The following ELP2 variants were observed in gnomAD, a reference collection of about 807,000 sequenced individuals.
The protein encoded by ELP2 is elongator acetyltransferase complex subunit 2.
Under a neutral mutation model 119.2 loss-of-function variants are expected in ELP2, and 90 were observed. The ratio of observed to expected loss-of-function variants is 0.75; its 90% confidence interval spans 0.64 to 0.90. The LOEUF is 0.90. Ranked by LOEUF, ELP2 falls within the 40% of genes least tolerant of loss-of-function variation. ELP2 has a pLI of 0.00. For missense variants in ELP2, 921 were observed against 967.8 expected, an observed-to-expected ratio of 0.95 and a Z score of 0.64; for synonymous variants, 339 against 331.0, an observed-to-expected ratio of 1.02 and a Z score of -0.26.
chr18:36,141,547 T>A, intron 6 of ELP2: 1 of 257,226 alleles, frequency 3.9e-6, no homozygotes, highest in Non-Finnish European at 7.7e-6. Context: ...CCTTCTGAGC[T>A]TTACTTAGAT....
At chr18:36,134,106 A>G (rs779152435) in intron 2 of ELP2, among the ~76,000 whole-genome samples, 21 of 151,948 alleles carry the variant, frequency 1.4e-4, no homozygotes, top group Non-Finnish European at 2.1e-4. Context: ...CTGGGATTAC[A>G]GGATTAGCTA....
rs2090197931 is a variant in ELP2 at position 36,146,292 on chromosome 18, G to C, written c.1036G>C (p.Asp346His). Residue 346 changes from aspartate to histidine, a missense_variant, in exon 11 of 22, where the codon GAT becomes CAT. By Grantham distance (81) the Asp-to-His change is moderately conservative (BLOSUM62 -1). Transcript: ENST00000358232. ...EVGGNTLGFY[D>H]CQFNEDGSMI... ...AGGTGGGAATACTTTGGGATTTTATGATTGCCAGTTCAATGAAGATGGCTC... is the reference window on the plus strand; with the variant it reads ...AGGTGGGAATACTTTGGGATTTTATCATTGCCAGTTCAATGAAGATGGCTC... The C allele has an allele frequency of 1.2e-6, 2 of 1,614,030 alleles. No homozygotes were observed. The highest frequency in any genetic ancestry group is 1.7e-6 in the Non-Finnish European group (2 of 1,179,996).
intron 1 of ELP2, among the ~76,000 whole-genome samples, chr18:36,130,503 G>T (rs2089571660): frequency 6.6e-6 from 1 of 152,124 alleles, no homozygotes; most frequent in Non-Finnish European, 1.5e-5. Flanking sequence ...TTGTTGTATT[G>T]AATTTCAAGG....
intron 16 of ELP2, among the ~76,000 whole-genome samples, chr18:36,160,315 C>T (rs889831214): frequency 6.6e-6 from 1 of 151,898 alleles, no homozygotes; most frequent in Admixed American, 6.6e-5. Flanking sequence ...TGGCTCACAC[C>T]TGTAATCATA....
chr18:36,129,942 A>G lies in ELP2; in HGVS notation c.9A>G (p.Ala3=), dbSNP rs1263592403. The part of the protein sequence containing the change: MV[A]PVLETSHVFC... ...GCTGACCAGTTGGCGACATGGTGGC[A>G]CCCGTGCTGGAGACTTCTCACGTGT... The change falls in exon 1 of 22, where the codon GCA becomes GCG. Residue 3 remains alanine, a synonymous_variant. Coordinates refer to ENST00000358232, the MANE Select transcript of ELP2 (RefSeq NM_018255.4). 3 of 1,614,166 alleles carry G rather than the reference A, an allele frequency of 1.9e-6. No individual in the cohort carries two copies. Among genetic ancestry groups the G allele is most frequent in the Non-Finnish European group, 2.5e-6 (3 of 1,180,040 alleles).
At chr18:36,142,252 A>G (rs2090057129) in intron 6 of ELP2, 29 bp from the exon 7 acceptor site, 9 of 1,594,782 alleles carry the variant, frequency 5.6e-6, no homozygotes, top group Non-Finnish European at 7.7e-6. Context: ...AAATTCTTAC[A>G]TCAAGCCCAA....
chr18:36,131,390 C>G (rs952607108), intron 1 of ELP2, among the ~76,000 whole-genome samples: 1 of 152,230 alleles, frequency 6.6e-6, no homozygotes, highest in Non-Finnish European at 1.5e-5. Flanking sequence ...CCACAGCAGG[C>G]TCTCCATCAT....
intron 8 of ELP2, among the ~76,000 whole-genome samples, chr18:36,143,838 A>C (rs2090117888): frequency 1.3e-5 from 2 of 152,252 alleles, no homozygotes; most frequent in African/African-American, 4.8e-5. Flanking sequence ...AATTTGTAAA[A>C]TATTACTAAA....
chr18:36,134,369 A>G (rs1261650350), intron 2 of ELP2, among the ~76,000 whole-genome samples: 1 of 152,204 alleles, frequency 6.6e-6, no homozygotes, highest in Non-Finnish European at 1.5e-5. Flanking sequence ...CAGATTAAAT[A>G]CAGAAGCAGA....
intron 1 of ELP2, among the ~76,000 whole-genome samples, chr18:36,130,879 T>C (rs1353197393): frequency 6.6e-6 from 1 of 152,172 alleles, no homozygotes; most frequent in Admixed American, 6.5e-5. Context: ...GTTAAAAATT[T>C]CATTATTGGC....
At chr18:36,170,233 A>T (rs776997559) in intron 20 of ELP2, 37 bp downstream of exon 20, 14 of 1,613,186 alleles carry the variant, frequency 8.7e-6, no homozygotes, top group Non-Finnish European at 1.1e-5. Context: ...TAAGAGGACC[A>T]CTTGGTTTCT....
At position 36,146,042 on chromosome 18, in the gene ELP2, A is replaced by G. The variant is rs145025136; in HGVS notation, c.987A>G (p.Leu329=). 15 of 1,613,620 alleles carry G rather than the reference A, an allele frequency of 9.3e-6. No homozygotes were observed. Among genetic ancestry groups the G allele is most frequent in the African/African-American group, 2.7e-5 (2 of 74,928 alleles). Reference sequence around the variant, plus strand: ...CAGATGAAGAGTCAGGAGTTTGGCTAGAACAGGTAAAAATGTTGGATATTT... The same window carrying G: ...CAGATGAAGAGTCAGGAGTTTGGCTGGAACAGGTAAAAATGTTGGATATTT... ...WAPDEESGVW[L]EQVRVGEVGG... Residue 329 remains leucine (L), a synonymous_variant, in exon 10 of 22, where the codon CTA becomes CTG. Coordinates refer to ENST00000358232, the MANE Select transcript of ELP2 (RefSeq NM_018255.4).
At chr18:36,146,446 TTTTGCTTATAACACTCTACAGAAACATA>T in intron 11 of ELP2, 65 bp downstream of exon 11, 1 of 1,569,068 alleles carries the variant, frequency 6.4e-7, no homozygotes, top group Non-Finnish European at 8.8e-7. Context: ...GTAAATAGTA[TTTTGCTTATAACACTCTACAGAAACATA>T]GTAGAGGCAC....
At chr18:36,155,686 G>A (rs566390137) in intron 12 of ELP2, among the ~76,000 whole-genome samples, 10 of 152,142 alleles carry the variant, frequency 6.6e-5, no homozygotes, top group South Asian at 4.1e-4. Context: ...CTACAGGTGT[G>A]AGCCACCATG....
At chr18:36,173,115 A>G (rs2091132394) in intron 21 of ELP2, among the ~76,000 whole-genome samples, 1 of 152,260 alleles carries the variant, frequency 6.6e-6, no homozygotes, top group African/African-American at 2.4e-5. Flanking sequence ...ACATAGCCAA[A>G]CAAGTATGTT....
intron 18 of ELP2, among the ~76,000 whole-genome samples, chr18:36,166,068 C>T (rs1284805851): frequency 1.3e-5 from 2 of 151,752 alleles, no homozygotes; most frequent in African/African-American, 4.8e-5. Flanking sequence ...TGGTGCATGC[C>T]TGTAATCCCC....
chr18:36,170,354 C>A (rs1346271645), intron 20 of ELP2, among the ~76,000 whole-genome samples, 158 bp downstream of exon 20: 5 of 151,550 alleles, frequency 3.3e-5, no homozygotes, highest in Non-Finnish European at 7.4e-5. Context: ...CTCTGTCGCC[C>A]AGGCTGGAAT....
chr18:36,136,138 G>A (rs1056531809), intron 2 of ELP2, among the ~76,000 whole-genome samples, 169 bp from the exon 3 acceptor site: 1 of 152,302 alleles, frequency 6.6e-6, no homozygotes, highest in East Asian at 1.9e-4. Context: ...AGGTGTGTGT[G>A]TATGTATATA....
chr18:36,133,668 C>T (rs1214714493), intron 2 of ELP2, among the ~76,000 whole-genome samples: 1 of 151,748 alleles, frequency 6.6e-6, no homozygotes, highest in Admixed American at 6.6e-5. Flanking sequence ...TCTGTTTCTG[C>T]CATAAACAAG....
Sources: allele counts gnomAD v4.1 joint callset (sites outside exome capture counted in the v4.1 genomes callset), GRCh38; gene constraint gnomAD v4.1.1; transcripts MANE v1.5; gene names NCBI Gene and HGNC (gene_info 2026-07-23, HGNC 2026-07-21).